Variants in ZMAT4 observed in about 807,000 individuals in gnomAD.
ZMAT4 encodes zinc finger matrin-type protein 4.
ZMAT4 carries 17 observed loss-of-function variants against 28.7 expected under a neutral mutation model. The ratio of observed to expected loss-of-function variants is 0.59; its 90% CI spans 0.41 to 0.89. The LOEUF (loss-of-function observed/expected upper bound fraction) is 0.89, where lower values mean the gene tolerates loss of function less well. Ranked by LOEUF, ZMAT4 falls within the 40% of genes least tolerant of loss-of-function variation. The probability of loss-of-function intolerance (pLI) is 0.00; values close to 1 mark genes in which losing one functional copy is unlikely to be tolerated. For missense variants in ZMAT4, 240 were observed against 283.8 expected (o/e 0.85, Z 1.11); for synonymous variants, 117 against 109.2 (o/e 1.07, Z -0.44).
At chr8:40,712,947 G>C (rs1341462472) in intron 3 of ZMAT4, among the ~76,000 whole-genome samples, 1 of 151,962 alleles carries the variant, frequency 6.6e-6, no homozygotes, top group Non-Finnish European at 1.5e-5. Flanking sequence ...TTGAACACTG[G>C]AGGTTGGAAC....
intron 5 of ZMAT4, among the ~76,000 whole-genome samples, chr8:40,654,951 C>T (rs890988818): frequency 1.3e-5 from 2 of 151,666 alleles, no homozygotes; most frequent in East Asian, 1.9e-4. Flanking sequence ...TGGCCAGTAC[C>T]GTTAGGAAAG....
intron 5 of ZMAT4, among the ~76,000 whole-genome samples, chr8:40,616,955 T>C (rs1012948931): frequency 2.0e-5 from 3 of 151,200 alleles, no homozygotes; most frequent in African/African-American, 7.3e-5. Flanking sequence ...GGTTTTCTAA[T>C]AGCCAGAGTG....
chr8:40,776,007 C>T (rs561687584), intron 2 of ZMAT4, among the ~76,000 whole-genome samples: 2 of 152,324 alleles, frequency 1.3e-5, no homozygotes, highest in South Asian at 4.1e-4. Flanking sequence ...CAGAAACCGA[C>T]CCTGCTGCCA....
intron 3 of ZMAT4, among the ~76,000 whole-genome samples, chr8:40,700,256 AC>A (rs569822636): frequency 2.0e-4 from 30 of 151,890 alleles, no homozygotes; most frequent in African/African-American, 7.0e-4. Context: ...TAAAAAAAAA[AC>A]ATTAATGTAA....
chr8:40,572,018 A>G (rs1258017810), intron 6 of ZMAT4, among the ~76,000 whole-genome samples: 1 of 152,216 alleles, frequency 6.6e-6, no homozygotes, highest in Non-Finnish European at 1.5e-5. Context: ...AAATCCATGC[A>G]TGACTTATGA....
At chr8:40,852,600 G>C (rs1193385198) in intron 1 of ZMAT4, among the ~76,000 whole-genome samples, 1 of 152,160 alleles carries the variant, frequency 6.6e-6, no homozygotes, top group East Asian at 1.9e-4. Context: ...ACCAAAACTT[G>C]ACAAGGGATA....
intron 3 of ZMAT4, among the ~76,000 whole-genome samples, chr8:40,702,672 A>G (rs1333616290): frequency 3.9e-5 from 6 of 152,188 alleles, no homozygotes; most frequent in Non-Finnish European, 8.8e-5. Flanking sequence ...TAGAAAGCCT[A>G]AGAGAGAGGC....
intron 6 of ZMAT4, among the ~76,000 whole-genome samples, chr8:40,564,841 A>C (rs2118484046): frequency 6.6e-6 from 1 of 152,330 alleles, no homozygotes; most frequent in Admixed American, 6.5e-5. Context: ...ACAGGATGAG[A>C]TATTTTAATC....
chr8:40,820,224 GTA>G (rs758812395), intron 2 of ZMAT4, among the ~76,000 whole-genome samples: 5 of 151,254 alleles, frequency 3.3e-5, no homozygotes, highest in Non-Finnish European at 4.4e-5. Context: ...GTGCATTTGT[GTA>G]TGTGTGTGTA....
intron 5 of ZMAT4, among the ~76,000 whole-genome samples, chr8:40,618,743 C>T (rs1806101037): frequency 6.6e-6 from 1 of 152,008 alleles, no homozygotes. Flanking sequence ...GGGTCTGGCT[C>T]CCTCACGACA....
chr8:40,548,913 T>C (rs1003805290), intron 6 of ZMAT4, among the ~76,000 whole-genome samples: 2 of 152,162 alleles, frequency 1.3e-5, no homozygotes, highest in Non-Finnish European at 2.9e-5. Flanking sequence ...GATGCCAAGA[T>C]TCAAGAGAAG....
chr8:40,748,627 CA>C (rs1306499350), intron 3 of ZMAT4, among the ~76,000 whole-genome samples: 3 of 152,180 alleles, frequency 2.0e-5, no homozygotes, highest in Non-Finnish European at 4.4e-5. Context: ...CAAATGCCAA[CA>C]CCATATTTTT....
At chr8:40,715,944 A>G (rs1034435988) in intron 3 of ZMAT4, among the ~76,000 whole-genome samples, 45 of 152,362 alleles carry the variant, frequency 3.0e-4, no homozygotes, top group African/African-American at 9.9e-4. Context: ...GCCCAAGCCT[A>G]TAAGCGCCTG....
intron 6 of ZMAT4, among the ~76,000 whole-genome samples, chr8:40,536,313 T>G (rs901722780): frequency 2.0e-5 from 3 of 152,210 alleles, no homozygotes; most frequent in Non-Finnish European, 2.9e-5. Context: ...CCATTTCCTC[T>G]GCATCCCCTG....
At chr8:40,625,547 C>T (rs984320928) in intron 5 of ZMAT4, among the ~76,000 whole-genome samples, 24 of 151,956 alleles carry the variant, frequency 1.6e-4, no homozygotes, top group East Asian at 5.8e-4. Flanking sequence ...ATAGACTAAA[C>T]GTGACATTAG....
At chr8:40,774,702 T>G in intron 2 of ZMAT4, among the ~76,000 whole-genome samples, 1 of 150,816 alleles carries the variant, frequency 6.6e-6, no homozygotes, top group East Asian at 1.9e-4. Flanking sequence ...ATATAATAAA[T>G]ATTAAAAGGC....
At chr8:40,781,256 C>G (rs1813811641) in intron 2 of ZMAT4, among the ~76,000 whole-genome samples, 1 of 152,040 alleles carries the variant, frequency 6.6e-6, no homozygotes, top group Non-Finnish European at 1.5e-5. Flanking sequence ...TGAAATTAAA[C>G]AACTTCATTT....
At position 40,606,103 on chromosome 8, in the gene ZMAT4, C is replaced by A. The variant is rs112376390; in HGVS notation, c.578-24842G>T. Reference sequence around the variant, plus strand: ...ATTAGTCTCTTGAAGACAGTGGATACTTGGTTGGTGAATTCTTACTCATTC... The same window carrying A: ...ATTAGTCTCTTGAAGACAGTGGATAATTGGTTGGTGAATTCTTACTCATTC... On this transcript the variant is annotated intron_variant, in intron 5 of 6. Coordinates refer to ENST00000297737, the MANE Select transcript of ZMAT4 (RefSeq NM_024645.3). 6.4e-4 allele frequency among the ~76,000 whole-genome samples: 97 copies of A among 152,272 alleles called. 1 individual carries two copies. Among genetic ancestry groups the A allele is most frequent in the African/African-American group, 2.2e-3 (92 of 41,556 alleles).
intron 5 of ZMAT4, among the ~76,000 whole-genome samples, chr8:40,602,490 G>A (rs116953975): frequency 6.6e-6 from 1 of 152,110 alleles, no homozygotes; most frequent in African/African-American, 2.4e-5. Flanking sequence ...TCACACCAAA[G>A]GGTGTAAAAG....
Sources: allele counts gnomAD v4.1 joint callset (sites outside exome capture counted in the v4.1 genomes callset), GRCh38; gene constraint gnomAD v4.1.1; transcripts MANE v1.5; gene names NCBI Gene and HGNC (gene_info 2026-07-23, HGNC 2026-07-21).